The following HSPA14 variants were observed in gnomAD, a reference collection of about 807,000 sequenced individuals.
HSPA14 encodes the protein heat shock 70 kDa protein 14.
Under a neutral mutation model 65.5 loss-of-function variants are expected in HSPA14, and 37 were observed. That is an observed-to-expected ratio of 0.56 (90% confidence interval 0.43 to 0.74). The LOEUF is 0.74. Among genes scored for constraint, HSPA14 ranks in the 30% least tolerant of loss-of-function variants. The pLI is 0.00. For synonymous variants in HSPA14, 203 were observed against 214.2 expected, an observed-to-expected ratio of 0.95 and a Z score of 0.46; for missense variants, 564 against 607.6, an observed-to-expected ratio of 0.93 and a Z score of 0.75.
intron 10 of HSPA14, among the ~76,000 whole-genome samples, chr10:14,862,095 C>T (rs911102352): frequency 2.7e-5 from 4 of 149,662 alleles, no homozygotes; most frequent in Admixed American, 6.6e-5. Flanking sequence ...GGCACGATCT[C>T]GGCTCACTGT....
intron 3 of HSPA14, chr10:14,845,336 A>G (rs1165992607): frequency 5.1e-6 from 5 of 985,042 alleles, no homozygotes; most frequent in Non-Finnish European, 6.0e-6. Context: ...ATGTTGGGGG[A>G]GGTTTTATTT....
chr10:14,851,746 C>T (rs371108495), intron 7 of HSPA14, among the ~76,000 whole-genome samples: 46 of 152,322 alleles, frequency 3.0e-4, no homozygotes, highest in African/African-American at 1.0e-3. Context: ...AATACTAGAA[C>T]ATACTTATCC....
At chr10:14,847,941 C>T (rs1353538900) in intron 3 of HSPA14, among the ~76,000 whole-genome samples, 1 of 152,204 alleles carries the variant, frequency 6.6e-6, no homozygotes, top group Non-Finnish European at 1.5e-5. Context: ...CACGTACTGA[C>T]TCTGCCCCTT....
rs773585592 is a variant in HSPA14, at chr10:14,854,213, T to C, written c.823T>C (p.Leu275=). 6.2e-7 allele frequency: 1 copy of C among 1,613,840 alleles called. No individual in the cohort carries two copies. Among genetic ancestry groups the C allele is most frequent in the South Asian group, 1.1e-5 (1 of 91,024 alleles). The change falls in exon 9 of 14, where the codon TTG becomes CTG. Residue 275 remains leucine (L), a synonymous_variant. Transcript: ENST00000378372. ...AGTAGCGAAACATTCTTTGTCAACCTTGGGAAGTGCCAACTGTTTTCTTGA... is the reference window on the plus strand; with the variant it reads ...AGTAGCGAAACATTCTTTGTCAACCCTGGGAAGTGCCAACTGTTTTCTTGA... ...AEVAKHSLST[L]GSANCFLDSL...
intron 3 of HSPA14, chr10:14,844,130 A>G (rs1402562024): frequency 7.5e-7 from 1 of 1,341,606 alleles, no homozygotes; most frequent in Non-Finnish European, 9.6e-7. Context: ...CACGTTCTAG[A>G]CAGCTGGTTC....
At chr10:14,852,687 T>C (rs1834117757) in intron 8 of HSPA14, among the ~76,000 whole-genome samples, 156 bp downstream of exon 8, 1 of 152,246 alleles carries the variant, frequency 6.6e-6, no homozygotes, top group African/African-American at 2.4e-5. Context: ...TAGAGTTATG[T>C]CCTGTCCAGG....
intron 3 of HSPA14, among the ~76,000 whole-genome samples, chr10:14,848,021 C>T (rs1258836793): frequency 6.6e-6 from 1 of 152,216 alleles, no homozygotes; most frequent in Non-Finnish European, 1.5e-5. Context: ...AAACACACCC[C>T]ACTTAGGTGT....
chr10:14,854,972 A>T (rs911722522), intron 9 of HSPA14, among the ~76,000 whole-genome samples: 4 of 152,226 alleles, frequency 2.6e-5, no homozygotes, highest in African/African-American at 7.2e-5. Flanking sequence ...TTGAAGAAAG[A>T]GTTCAGGCTA....
chr10:14,863,976 A>C (rs1832779703), intron 10 of HSPA14, among the ~76,000 whole-genome samples: 1 of 150,694 alleles, frequency 6.6e-6, no homozygotes, highest in African/African-American at 2.4e-5. Context: ...GTGTAAGGAC[A>C]CAGTGAGATG....
chr10:14,859,904 C>T (rs1832737516), intron 10 of HSPA14, among the ~76,000 whole-genome samples: 1 of 151,914 alleles, frequency 6.6e-6, no homozygotes, highest in Non-Finnish European at 1.5e-5. Flanking sequence ...TTTTTTTCAA[C>T]TTACATAAAG....
At chr10:14,866,898 C>T (rs182977033) in intron 10 of HSPA14, among the ~76,000 whole-genome samples, 185 bp from the exon 11 acceptor site, 13 of 152,114 alleles carry the variant, frequency 8.5e-5, no homozygotes, top group Middle Eastern at 3.4e-3. Flanking sequence ...TGTTAAATAT[C>T]TATAATATGT....
rs967000265 is a variant in HSPA14, at chr10:14,844,291, G to GT, written c.221+4137dup. The GT allele has an allele frequency of 4.6e-6, 5 of 1,092,772 alleles. No homozygotes were observed. The African/African-American group carries it at 8.5e-5, about 19-fold the overall frequency. 67.7% of individuals were successfully genotyped at this position (1,092,772 alleles called of 1,614,324 possible). A position where few individuals can be genotyped will look rare whatever the true frequency, so the allele number is the denominator to read the frequency against. On this transcript the variant is annotated intron_variant, in intron 3 of 13. Transcript: ENST00000378372. ...TTCATAGATGTGAAAGGGTTTAAAA[G>GT]TTTAAAAGCACTGTACACATTTAAG...
chr10:14,845,574 C>A, intron 3 of HSPA14: 1 of 961,890 alleles, frequency 1.0e-6, no homozygotes, highest in Non-Finnish European at 1.2e-6. Context: ...TCAGACAAAT[C>A]ACTTGCCCTT....
In HSPA14 at chr10:14,848,821, A is replaced by C. The variant is rs570960603; in HGVS notation, c.302A>C (p.Glu101Ala). The C allele has an allele frequency of 3.8e-6, 6 of 1,588,666 alleles. No homozygotes were observed. In the African/African-American group the frequency reaches 6.7e-5, roughly 18 times the overall value. ...GAAAAAAATGGGAAATTACGATATG[A>C]AATAGATACTGGAGAAGAAACAAAA... Reference protein sequence around the residue: ...VIEKNGKLRYEIDTGEETKFV... With the variant: ...VIEKNGKLRYAIDTGEETKFV... Residue 101 changes from glutamate (E) to alanine (A), a missense_variant, in exon 5 of 14, where the codon GAA becomes GCA. Transcript: ENST00000378372.
intron 7 of HSPA14, 66 bp downstream of exon 7, chr10:14,851,389 T>C (rs1834107872): frequency 2.2e-6 from 2 of 896,044 alleles, no homozygotes; most frequent in East Asian, 2.4e-5. Context: ...ATAGAGATTA[T>C]ATCAGTAAAG....
chr10:14,843,543 C>G, intron 3 of HSPA14: 1 of 1,550,512 alleles, frequency 6.4e-7, no homozygotes. Flanking sequence ...AGACTCCAGT[C>G]TCCTCTTCGA....
At chr10:14,867,659 C>A (rs1832818940) in intron 11 of HSPA14, 77 bp from the exon 12 acceptor site, 5 of 1,257,886 alleles carry the variant, frequency 4.0e-6, no homozygotes, top group Non-Finnish European at 5.6e-6. Context: ...GAATATATAT[C>A]TCATTTATAA....
Position 14,838,456 on chromosome 10 carries a change from T to A in HSPA14, c.54T>A (p.Tyr18Ter). The change falls in exon 1 of 14, where the codon TAT becomes TAA. Residue 18 changes from tyrosine (Y) to a stop codon, truncating the protein, a stop_gained. Transcript: ENST00000378372. LOFTEE classifies it high-confidence loss of function. ...LGCTSACVAV[Y>*]KDGRAGVVAN... is the part of the protein sequence containing the mutation. ...GCACCTCAGCCTGTGTGGCCGTCTA[T>A]AAGGTGAGGGGCTGCGGAGCTGGGC... 1.9e-6 allele frequency: 3 copies of A among 1,604,526 alleles called. No individual in the cohort carries two copies. Among genetic ancestry groups the A allele is most frequent in the Non-Finnish European group, 2.5e-6 (3 of 1,177,562 alleles).
intron 10 of HSPA14, among the ~76,000 whole-genome samples, chr10:14,865,478 C>A (rs1415312810): frequency 6.6e-6 from 1 of 152,060 alleles, no homozygotes; most frequent in East Asian, 1.9e-4. Flanking sequence ...AGTCTTTAAT[C>A]CATCTTGAAT....
Sources: allele counts gnomAD v4.1 joint callset (sites outside exome capture counted in the v4.1 genomes callset), GRCh38; gene constraint gnomAD v4.1.1; transcripts MANE v1.5; gene names NCBI Gene and HGNC (gene_info 2026-07-23, HGNC 2026-07-21).